Variants in SLC4A2 observed in about 807,000 individuals in gnomAD.
SLC4A2 encodes the protein anion exchange protein 2.
A neutral mutation model predicts 115.0 loss-of-function variants in SLC4A2; 36 were observed. The ratio of observed to expected loss-of-function variants is 0.31; its 90% CI spans 0.24 to 0.41. SLC4A2 has a LOEUF of 0.41. Among genes scored for constraint, SLC4A2 ranks in the 10% least tolerant of loss-of-function variants. The probability of loss-of-function intolerance (pLI) is 1.00; values close to 1 mark genes in which losing one functional copy is unlikely to be tolerated. For synonymous variants in SLC4A2, 708 were observed against 708.3 expected, an observed-to-expected ratio of 1.00 and a Z score of 0.01; for missense variants, 1,252 against 1,705.6, an observed-to-expected ratio of 0.73 and a Z score of 4.68.
At position 151,064,637 on chromosome 7, in the gene SLC4A2, C is replaced by G. The variant is rs149126957; in HGVS notation, c.329C>G (p.Pro110Arg). Residue 110 changes from proline to arginine, a missense_variant, in exon 4 of 23, where the codon CCG (proline) becomes CGG (arginine). Around this residue, in one of 14 missense-constraint regions of SLC4A2, gnomAD observed 215 missense variants for 205.2 expected, o/e 1.05. Coordinates refer to ENST00000413384, the MANE Select transcript of SLC4A2 (RefSeq NM_003040.4). ...QGPGRKPRRR[P>R]GASPTGETPT... ...CCAGGACGGAAGCCTCGAAGGCGCC[C>G]GGGAGCCTCCCCGACTGGAGAAACC... 1 of 1,613,596 alleles carries G rather than the reference C, an allele frequency of 6.2e-7. No homozygotes were observed. Among genetic ancestry groups the G allele is most frequent in the Admixed American group, 1.7e-5 (1 of 60,006 alleles).
chr7:151,069,200 C>G (rs1797345734), intron 8 of SLC4A2, among the ~76,000 whole-genome samples: 1 of 142,222 alleles, frequency 7.0e-6, no homozygotes, highest in Admixed American at 7.2e-5. Context: ...AATTGTTTCC[C>G]AACTAGGAGT....
chr7:151,070,647 G>T, intron 11 of SLC4A2, 76 bp downstream of exon 11: 1 of 1,601,840 alleles, frequency 6.2e-7, no homozygotes, highest in Non-Finnish European at 8.5e-7. Context: ...CCCTGGCCCT[G>T]CCTTGGTGCC....
At chr7:151,070,970 A>T in intron 12 of SLC4A2, 59 bp downstream of exon 12, 2 of 1,595,274 alleles carry the variant, frequency 1.3e-6, no homozygotes, top group African/African-American at 1.3e-5. Context: ...GCCAGTCTTG[A>T]TCCCCATGAC....
At position 151,071,632 on chromosome 7, in the gene SLC4A2, G is replaced by A. The variant is rs1018658700; in HGVS notation, c.2191+27G>A. 8.1e-6 allele frequency: 13 copies of A among 1,613,264 alleles called. No homozygotes were observed. The highest frequency in any genetic ancestry group is 1.7e-5 in the Admixed American group (1 of 59,990). ...TGAGGAGAGCCTTCAGGTAGGGGGC[G>A]GCGGGGACTGCCCAGGGCCTGGCCA... On this transcript the variant is annotated intron_variant, in intron 14 of 22. Transcript: ENST00000413384. This position sits in a 1 kb window ranked among gnomAD's most constrained non-coding sequence, Gnocchi z 5.5.
rs1797285805 is a variant in SLC4A2, at chr7:151,067,787, C to T, written c.967-87C>T. 12 of 1,165,348 alleles carry T rather than the reference C, an allele frequency of 1.0e-5. 1 individual carries two copies. In the South Asian group the frequency reaches 1.4e-4, roughly 13 times the overall value. 72.2% of individuals were successfully genotyped at this position (1,165,348 alleles called of 1,614,324 possible). A position where few individuals can be genotyped will look rare whatever the true frequency, so the allele number is the denominator to read the frequency against. ...GCTCGTGCTCTCCAGGGTCACTTGG[C>T]TCCCTCTGACACCACTCACCTCTGA... On this transcript the variant is annotated intron_variant, in intron 7 of 22. Coordinates refer to ENST00000413384, the MANE Select transcript of SLC4A2 (RefSeq NM_003040.4).
chr7:151,063,276 C>A, intron 2 of SLC4A2: 1 of 1,058,634 alleles, frequency 9.4e-7, no homozygotes, highest in South Asian at 1.7e-5. Context: ...GGGGAGCTCT[C>A]CTGGGGGCTG....
chr7:151,062,100 G>A lies in SLC4A2; in HGVS notation c.51+62G>A, dbSNP rs1259706097. ...CTCCCTGGGCAGCCTTGGGTGCTCC[G>A]GCCAAGGGTCCTCGCCAACCAGGGG... is the stretch of plus-strand genomic sequence containing the variant. On this transcript the variant is annotated intron_variant, in intron 2 of 22. Coordinates refer to ENST00000413384, the MANE Select transcript of SLC4A2 (RefSeq NM_003040.4). The A allele has an allele frequency of 7.7e-6, 11 of 1,430,886 alleles. No homozygotes were observed. In the Admixed American group the frequency reaches 9.1e-5, roughly 12 times the overall value. 88.6% of individuals were successfully genotyped at this position (1,430,886 alleles called of 1,614,324 possible).
At chr7:151,067,027 T>C in intron 7 of SLC4A2, 34 bp downstream of exon 7, 11 of 1,548,732 alleles carry the variant, frequency 7.1e-6, no homozygotes, top group Non-Finnish European at 9.6e-6. Flanking sequence ...TTCCATCAAC[T>C]TCCCACACGA....
intron 12 of SLC4A2, 78 bp from the exon 13 acceptor site, chr7:151,070,994 C>T: frequency 6.3e-7 from 1 of 1,590,382 alleles, no homozygotes; most frequent in Non-Finnish European, 8.6e-7. Context: ...CTCCCACCCA[C>T]TGGCCTTGCC....
chr7:151,075,405 C>T lies in SLC4A2; in HGVS notation c.3198C>T (p.Asn1066=), dbSNP rs1364969551. ...CTGTCCGCTCTGTCACTCACGCCAA[C>T]GCGCTCACTGTCATGAGCAAGGCTG... is the stretch of plus-strand genomic sequence containing the variant. ...AATVRSVTHA[N]ALTVMSKAVA... is the part of the protein sequence containing the mutation. The change falls in exon 20 of 23, where the codon AAC becomes AAT. Residue 1066 remains asparagine, a synonymous_variant. Transcript: ENST00000413384. 11 of 1,609,254 alleles carry T rather than the reference C, an allele frequency of 6.8e-6. No individual in the cohort carries two copies. Among genetic ancestry groups the T allele is most frequent in the South Asian group, 2.2e-5 (2 of 91,094 alleles).
chr7:151,068,666 C>T (rs560197973), intron 8 of SLC4A2, among the ~76,000 whole-genome samples: 8 of 151,986 alleles, frequency 5.3e-5, no homozygotes, highest in Non-Finnish European at 7.4e-5. Flanking sequence ...ACTACAGGCG[C>T]GTGCTACCAT....
chr7:151,062,420 C>T (rs1797080180), intron 2 of SLC4A2: 1 of 872,736 alleles, frequency 1.1e-6, no homozygotes, highest in Admixed American at 3.3e-5. Flanking sequence ...CACGACTGGC[C>T]ACGCCCCCTG....
intron 2 of SLC4A2, 75 bp downstream of exon 2, chr7:151,062,113 C>T (rs1797069053): frequency 3.2e-6 from 4 of 1,260,514 alleles, no homozygotes; most frequent in South Asian, 2.5e-5. Context: ...CAAGGGTCCT[C>T]GCCAACCAGG....
chr7:151,075,721 G>C lies in SLC4A2; in HGVS notation c.3417G>C (p.Leu1139=). 2 of 1,611,094 alleles carry C rather than the reference G, an allele frequency of 1.2e-6. No homozygotes were observed. The highest frequency in any genetic ancestry group is 8.5e-7 in the Non-Finnish European group (1 of 1,177,652). The change falls in exon 21 of 23, where the codon CTG becomes CTC. Residue 1139 remains leucine, a synonymous_variant. Transcript: ENST00000413384. ...ACGGGATCCAGTTCTATGAGCGGCT[G>C]CATCTGCTGCTCATGCCGCCCAAAC... ...SLNGIQFYER[L]HLLLMPPKHH...
upstream of SLC4A2, chr7:151,058,401 A>T (rs1453555234): frequency 6.2e-6 from 1 of 161,494 alleles, no homozygotes; most frequent in Non-Finnish European, 1.4e-5. Flanking sequence ...ACGGGTTTCC[A>T]CCTCTCCCCA....
Position 151,076,397 on chromosome 7 carries a change from T to A in SLC4A2, c.*30T>A. ...CACCGAGGGACAGCCGAGGGACCGATGGACGAGGGGACAGGCTGGTGGGAT... is the reference window on the plus strand; with the variant it reads ...CACCGAGGGACAGCCGAGGGACCGAAGGACGAGGGGACAGGCTGGTGGGAT... On this transcript the variant is annotated 3_prime_UTR_variant, in exon 23 of 23. Transcript: ENST00000413384. 2 of 1,459,970 alleles carry A rather than the reference T, an allele frequency of 1.4e-6. No individual in the cohort carries two copies. Among genetic ancestry groups the A allele is most frequent in the South Asian group, 2.9e-5 (2 of 68,508 alleles). 90.4% of individuals were successfully genotyped at this position (1,459,970 alleles called of 1,614,324 possible). A position where few individuals can be genotyped will look rare whatever the true frequency, so the allele number is the denominator to read the frequency against.
intron 12 of SLC4A2, 69 bp downstream of exon 12, chr7:151,070,980 C>A: frequency 6.3e-7 from 1 of 1,591,942 alleles, no homozygotes; most frequent in Admixed American, 1.7e-5. Flanking sequence ...ATCCCCATGA[C>A]TGCCTCCCAC....
At chr7:151,069,860 CT>C in intron 8 of SLC4A2, 86 bp from the exon 9 acceptor site, 2 of 1,546,164 alleles carry the variant, frequency 1.3e-6, no homozygotes, top group Non-Finnish European at 1.8e-6. Context: ...ACCCACCCAC[CT>C]GTCCCCAGCT....
At chr7:151,058,200 C>T (rs1474883201), upstream of SLC4A2, 1 of 453,074 alleles carries the variant, frequency 2.2e-6, no homozygotes, top group East Asian at 4.2e-5. Context: ...GTTGTTATTC[C>T]TTTTATGTGC....
Sources: gnomAD v4.1 joint callset for allele counts (sites outside exome capture counted in the v4.1 genomes callset) on GRCh38, gnomAD v4.1.1 for gene constraint, gnomAD v4.1.1 regional missense constraint, Gnocchi (gnomAD v3.1) non-coding constraint, MANE v1.5 for transcripts, NCBI Gene and HGNC (gene_info 2026-07-23, HGNC 2026-07-21) for gene names.